FAM135B: variants seen among roughly 807,000 people sequenced by gnomAD.
FAM135B encodes protein FAM135B.
FAM135B carries 43 observed loss-of-function variants against 127.7 expected under a neutral mutation model. The observed-to-expected ratio is 0.34, with a 90% CI of 0.26 to 0.43. The LOEUF (loss-of-function observed/expected upper bound fraction) is 0.43, where lower values mean the gene tolerates loss of function less well. Ranked by LOEUF, FAM135B falls within the 20% of genes least tolerant of loss-of-function variation. FAM135B has a pLI of 1.00. For synonymous variants in FAM135B, 670 were observed against 665.1 expected, an observed-to-expected ratio of 1.01 and a Z score of -0.11; for missense variants, 1,558 against 1,725.6, an observed-to-expected ratio of 0.90 and a Z score of 1.72.
At chr8:138,331,971 T>A (rs1419291265) in intron 2 of FAM135B, among the ~76,000 whole-genome samples, 4 of 152,116 alleles carry the variant, frequency 2.6e-5, no homozygotes, top group Non-Finnish European at 2.9e-5. Flanking sequence ...GGCAAGTCAG[T>A]TAATGTCTCC....
chr8:138,319,581 C>G (rs998704418), intron 2 of FAM135B, among the ~76,000 whole-genome samples: 1 of 152,176 alleles, frequency 6.6e-6, no homozygotes, highest in African/African-American at 2.4e-5. Context: ...AAACTTCAGG[C>G]AGTATGCTGT....
At chr8:138,331,898 C>A (rs1279450159) in intron 2 of FAM135B, among the ~76,000 whole-genome samples, 1 of 152,074 alleles carries the variant, frequency 6.6e-6, no homozygotes, top group African/African-American at 2.4e-5. Flanking sequence ...AATGGAGAGC[C>A]CCCAGGTGAT....
intron 3 of FAM135B, 41 bp downstream of exon 3, chr8:138,310,800 G>A (rs370839814): frequency 1.7e-5 from 27 of 1,584,050 alleles, no homozygotes; most frequent in Non-Finnish European, 2.0e-5. Flanking sequence ...AGGGAGGTTC[G>A]CCATTGGGGG....
chr8:138,431,368 A>G (rs971292610), intron 1 of FAM135B, among the ~76,000 whole-genome samples: 7 of 152,228 alleles, frequency 4.6e-5, no homozygotes, highest in African/African-American at 1.7e-4. Context: ...GGTTAAAGAA[A>G]GAGAGAATAC....
At chr8:138,349,977 G>T (rs1215033978) in intron 2 of FAM135B, among the ~76,000 whole-genome samples, 1 of 152,088 alleles carries the variant, frequency 6.6e-6, no homozygotes, top group Non-Finnish European at 1.5e-5. Flanking sequence ...ACAATTTTTT[G>T]TCCACAAAAG....
At chr8:138,372,124 A>C (rs887164687) in intron 1 of FAM135B, among the ~76,000 whole-genome samples, 1 of 152,224 alleles carries the variant, frequency 6.6e-6, no homozygotes, top group Non-Finnish European at 1.5e-5. Flanking sequence ...GCCTCAGTCT[A>C]GGGTCATCAG....
chr8:138,336,986 A>G (rs1229908374), intron 2 of FAM135B, among the ~76,000 whole-genome samples: 1 of 152,252 alleles, frequency 6.6e-6, no homozygotes, highest in African/African-American at 2.4e-5. Context: ...CCAGCATATA[A>G]ACAGAACCAA....
chr8:138,344,106 G>C lies in FAM135B; in HGVS notation c.77+23801C>G, dbSNP rs374897035. Reference sequence around the variant, plus strand: ...CCAGGTGAGAGAGGACAGTGGCTTAGACTGGACGGCAGCAGTGAAGATGCT... The same window carrying C: ...CCAGGTGAGAGAGGACAGTGGCTTACACTGGACGGCAGCAGTGAAGATGCT... On this transcript the variant is annotated intron_variant, in intron 2 of 19. Coordinates refer to ENST00000395297, the MANE Select transcript of FAM135B (RefSeq NM_015912.4). Among the ~76,000 whole-genome samples the C allele has an allele frequency of 3.9e-4, 59 of 152,348 alleles. 2 individuals carry two copies. The highest frequency in any genetic ancestry group is 1.3e-3 in the African/African-American group (54 of 41,584).
At chr8:138,487,901 G>A (rs1815045605) in intron 1 of FAM135B, among the ~76,000 whole-genome samples, 1 of 152,130 alleles carries the variant, frequency 6.6e-6, no homozygotes, top group African/African-American at 2.4e-5. Flanking sequence ...CTACTGGGGA[G>A]GCCGAGGCAG....
intron 16 of FAM135B, among the ~76,000 whole-genome samples, chr8:138,142,288 C>CTTCTTT (rs1817245756): frequency 1.6e-5 from 1 of 62,366 alleles, no homozygotes; most frequent in Non-Finnish European, 3.2e-5. Context: ...TCTGCTTCTT[C>CTTCTTT]TTTTTTTTTT....
chr8:138,393,468 A>G (rs915980913), intron 1 of FAM135B, among the ~76,000 whole-genome samples: 1 of 152,052 alleles, frequency 6.6e-6, no homozygotes, highest in African/African-American at 2.4e-5. Flanking sequence ...AAAAAAAAAA[A>G]AAATTTAAGA....
chr8:138,134,014 G>A (rs1383855412), intron 19 of FAM135B, among the ~76,000 whole-genome samples: 1 of 152,142 alleles, frequency 6.6e-6, no homozygotes, highest in Non-Finnish European at 1.5e-5. Context: ...AAATGGTATG[G>A]TCATTCCCAA....
chr8:138,136,094 T>C (rs1009310777), intron 19 of FAM135B, among the ~76,000 whole-genome samples: 3 of 152,014 alleles, frequency 2.0e-5, no homozygotes, highest in African/African-American at 7.2e-5. Context: ...CTGTGTTACT[T>C]TTCATTACAT....
At chr8:138,446,869 A>G (rs1476986822) in intron 1 of FAM135B, among the ~76,000 whole-genome samples, 1 of 152,014 alleles carries the variant, frequency 6.6e-6, no homozygotes, top group Non-Finnish European at 1.5e-5. Flanking sequence ...TGAACAGGCA[A>G]CCTACAGAAT....
At chr8:138,421,685 A>G (rs1378124667) in intron 1 of FAM135B, among the ~76,000 whole-genome samples, 1 of 152,184 alleles carries the variant, frequency 6.6e-6, no homozygotes, top group Non-Finnish European at 1.5e-5. Flanking sequence ...TAGGAAGAAT[A>G]AACATTGTTA....
At chr8:138,224,803 G>C (rs1390637008) in intron 7 of FAM135B, among the ~76,000 whole-genome samples, 6 of 152,166 alleles carry the variant, frequency 3.9e-5, no homozygotes, top group Non-Finnish European at 7.4e-5. Context: ...TTATTAAATA[G>C]GCCAGACACA....
At chr8:138,381,626 C>T (rs1378199483) in intron 1 of FAM135B, among the ~76,000 whole-genome samples, 3 of 152,176 alleles carry the variant, frequency 2.0e-5, no homozygotes, top group Non-Finnish European at 4.4e-5. Flanking sequence ...AAAGACTAAA[C>T]AAATGCAAGA....
chr8:138,190,793 A>G (rs1586730396), intron 9 of FAM135B, among the ~76,000 whole-genome samples: 1 of 152,160 alleles, frequency 6.6e-6, no homozygotes, highest in East Asian at 1.9e-4. Flanking sequence ...ACTCCCTTGT[A>G]TTGATTCCAG....
rs1168194808 is a variant in FAM135B at position 138,139,075 on chromosome 8, A to G, written c.3812T>C (p.Leu1271Pro). The change falls in exon 18 of 20, where the codon CTG becomes CCG. Residue 1271 changes from leucine to proline, a missense_variant. Around this residue, in one of 5 missense-constraint regions of FAM135B, gnomAD observed 194 missense variants for 333.8 expected, o/e 0.58. Coordinates refer to ENST00000395297, the MANE Select transcript of FAM135B (RefSeq NM_015912.4). ...CTGCAGTAGAGACCCGGATTTCTTC[A>G]GTTTCTGCATGAGCCATAAGCCTAG... ...VSTGLWLMQKLKKSGSLLQLT... is the reference protein window; with the variant it reads ...VSTGLWLMQKPKKSGSLLQLT... 1.2e-6 allele frequency: 2 copies of G among 1,612,862 alleles called. No individual in the cohort carries two copies. Among genetic ancestry groups the G allele is most frequent in the East Asian group, 2.2e-5 (1 of 44,876 alleles).
Sources: allele counts gnomAD v4.1 joint callset (sites outside exome capture counted in the v4.1 genomes callset), GRCh38; gene constraint gnomAD v4.1.1; regional missense constraint gnomAD v4.1.1; transcripts MANE v1.5; gene names NCBI Gene and HGNC (gene_info 2026-07-23, HGNC 2026-07-21).